Variants in CERKL observed in about 807,000 individuals in gnomAD.
The protein encoded by CERKL is CERK like autophagy regulator.
A neutral mutation model predicts 63.4 loss-of-function variants in CERKL; 61 were observed. The ratio of observed to expected loss-of-function variants is 0.96; its 90% CI spans 0.78 to 1.19. The LOEUF (loss-of-function observed/expected upper bound fraction) is 1.19. Ranked by LOEUF, CERKL falls within the 50% of genes most tolerant of loss-of-function variation. The pLI, the probability that CERKL is intolerant of heterozygous loss-of-function variation, is 0.00. For synonymous variants in CERKL, 250 were observed against 230.5 expected (o/e 1.08, Z -0.77); for missense variants, 675 against 655.5 (o/e 1.03, Z -0.33).
Position 181,548,847 on chromosome 2 carries a change from C to A in CERKL, c.906G>T (p.Gln302His), listed in dbSNP as rs777974407. Residue 302 changes from glutamine to histidine, a missense_variant, in exon 7 of 13, where the codon CAG becomes CAT. Transcript: ENST00000410087. ...ATLHIIMGHV[Q>H]LVDVCTFSTA... is the part of the protein sequence containing the mutation. The stretch of plus-strand genomic sequence containing the variant: ...TGCTGAAGGTGCAGACGTCGACCAG[C>A]TGTACATGCCCTTGAATATTACATT... The A allele has an allele frequency of 4.3e-6, 7 of 1,613,676 alleles. No homozygotes were observed. In the East Asian group the frequency reaches 6.7e-5, roughly 15 times the overall value.
chr2:181,537,702 G>GTTGCAAAGTTTT lies in CERKL; in HGVS notation c.*470_*481dup. On this transcript the variant is annotated 3_prime_UTR_variant, in exon 13 of 13. Coordinates refer to ENST00000410087, the MANE Select transcript of CERKL (RefSeq NM_201548.5). Reference sequence around the variant, plus strand: ...GGTTAAATATTGATGTATTATGATGGTTGCAAAGTTTTTTTGTGTGTCCAA... The same window carrying GTTGCAAAGTTTT: ...GGTTAAATATTGATGTATTATGATGGTTGCAAAGTTTTTTGCAAAGTTTTTTTGTGTGTCCAA... 1 of 425,146 alleles carries GTTGCAAAGTTTT rather than the reference G, an allele frequency of 2.4e-6. No homozygotes were observed. Among genetic ancestry groups the GTTGCAAAGTTTT allele is most frequent in the Non-Finnish European group, 4.7e-6 (1 of 214,660 alleles). The allele number at this position is 425,146 out of a possible 1,614,324, so 26.3% of individuals were successfully genotyped here. A position where few individuals can be genotyped will look rare whatever the true frequency, so the allele number is the denominator to read the frequency against.
chr2:181,551,724 G>A (rs186866083), intron 5 of CERKL, among the ~76,000 whole-genome samples: 2 of 152,098 alleles, frequency 1.3e-5, no homozygotes, highest in East Asian at 3.9e-4. Context: ...TGGGGGGTGG[G>A]ACCCAAGTCT....
At position 181,537,289 on chromosome 2, in the gene CERKL, T is replaced by C. The variant is rs1034013124; in HGVS notation, c.*895A>G. Reference sequence around the variant, plus strand: ...ACTCAGAACTACTCAGAAACAACTATATATTTCAGGTTATCTGAGCACAGT... The same window carrying C: ...ACTCAGAACTACTCAGAAACAACTACATATTTCAGGTTATCTGAGCACAGT... On this transcript the variant is annotated 3_prime_UTR_variant, in exon 13 of 13. Coordinates refer to ENST00000410087, the MANE Select transcript of CERKL (RefSeq NM_201548.5). The C allele has an allele frequency of 4.4e-6, 2 of 453,896 alleles. No homozygotes were observed. Among genetic ancestry groups the C allele is most frequent in the Admixed American group, 4.7e-5 (2 of 42,524 alleles). 28.1% of individuals were successfully genotyped at this position (453,896 alleles called of 1,614,324 possible).
At chr2:181,569,277 A>G (rs1288348087) in intron 3 of CERKL, among the ~76,000 whole-genome samples, 1 of 152,178 alleles carries the variant, frequency 6.6e-6, no homozygotes, top group East Asian at 1.9e-4. Flanking sequence ...GCTAGATATG[A>G]TGCATGAACA....
At chr2:181,627,096 T>C (rs115067967) in intron 1 of CERKL, among the ~76,000 whole-genome samples, 1 of 152,302 alleles carries the variant, frequency 6.6e-6, no homozygotes, top group Non-Finnish European at 1.5e-5. Flanking sequence ...AGCTGCAAAA[T>C]TTGAGTGTCT....
chr2:181,557,002 G>A (rs965584007), intron 5 of CERKL, among the ~76,000 whole-genome samples: 43 of 152,304 alleles, frequency 2.8e-4, no homozygotes, highest in African/African-American at 1.0e-3. Flanking sequence ...CAGTGATGAT[G>A]AGCATTTTTT....
intron 5 of CERKL, among the ~76,000 whole-genome samples, chr2:181,551,977 C>T (rs1020895312): frequency 2.6e-5 from 4 of 152,114 alleles, no homozygotes; most frequent in African/African-American, 4.8e-5. Flanking sequence ...CAATGGAATA[C>T]TATTTGGCAT....
chr2:181,556,735 T>G (rs1027085200), intron 5 of CERKL, among the ~76,000 whole-genome samples: 76 of 152,352 alleles, frequency 5.0e-4, no homozygotes, highest in African/African-American at 1.8e-3. Flanking sequence ...GCAGTATGAT[T>G]TATATTCCTT....
intron 2 of CERKL, among the ~76,000 whole-genome samples, chr2:181,596,782 G>C (rs965505636): frequency 1.3e-5 from 2 of 152,060 alleles, no homozygotes; most frequent in African/African-American, 4.8e-5. Context: ...ACTTGGTCCT[G>C]GCAACACATT....
intron 1 of CERKL, among the ~76,000 whole-genome samples, chr2:181,612,563 C>G (rs112845790): frequency 0.031 from 4,649 of 152,074 alleles, 225 homozygotes; most frequent in African/African-American, 0.11. Flanking sequence ...GATTTATCCA[C>G]AGTGTTCTCA....
chr2:181,650,386 T>A (rs1687876955), intron 1 of CERKL, among the ~76,000 whole-genome samples: 1 of 152,146 alleles, frequency 6.6e-6, no homozygotes, highest in Non-Finnish European at 1.5e-5. Flanking sequence ...GTTTATAGTA[T>A]TAAATGCCCA....
intron 1 of CERKL, among the ~76,000 whole-genome samples, chr2:181,608,431 G>A (rs976601138): frequency 7.7e-6 from 1 of 129,922 alleles, no homozygotes; most frequent in Non-Finnish European, 1.6e-5. Context: ...GGGATGGAGC[G>A]GGGTGGGGGG....
At chr2:181,636,235 G>A (rs552327048) in intron 1 of CERKL, among the ~76,000 whole-genome samples, 6 of 152,254 alleles carry the variant, frequency 3.9e-5, no homozygotes, top group African/African-American at 1.4e-4. Flanking sequence ...TTTGCGCAGC[G>A]TCTACTATCT....
Position 181,558,059 on chromosome 2 carries a change from C to T in CERKL, c.820+507G>A, listed in dbSNP as rs1016468768. ...ATTAAAAAGCCTTGCCCTTAAGAAT[C>T]TCACCCTTCCAAACCTTATCCTCCC... On this transcript the variant is annotated intron_variant, in intron 5 of 12. Coordinates refer to ENST00000410087, the MANE Select transcript of CERKL (RefSeq NM_201548.5). This position sits in a 1 kb window ranked among gnomAD's most constrained non-coding sequence, Gnocchi z 4.2. Among the ~76,000 whole-genome samples, 5 of 152,160 alleles carry T rather than the reference C, an allele frequency of 3.3e-5. No homozygotes were observed. The highest frequency in any genetic ancestry group is 5.9e-5 in the Non-Finnish European group (4 of 68,028).
intron 3 of CERKL, among the ~76,000 whole-genome samples, chr2:181,570,428 A>G (rs1688854929): frequency 6.6e-6 from 1 of 152,196 alleles, no homozygotes; most frequent in South Asian, 2.1e-4. Flanking sequence ...TCACACCTTT[A>G]ATGGTACAAT....
chr2:181,647,036 G>T (rs1208349551), intron 1 of CERKL, among the ~76,000 whole-genome samples: 2 of 152,212 alleles, frequency 1.3e-5, no homozygotes, highest in Non-Finnish European at 2.9e-5. Context: ...ACATATCTCT[G>T]CTTAAGTGAA....
In CERKL at chr2:181,603,836, C is replaced by G; in HGVS notation, c.481+1G>C. 6.2e-7 allele frequency: 1 copy of G among 1,613,086 alleles called. No homozygotes were observed. The highest frequency in any genetic ancestry group is 8.5e-7 in the Non-Finnish European group (1 of 1,179,402). On this transcript the variant is annotated splice_donor_variant, in intron 2 of 12. Coordinates refer to ENST00000410087, the MANE Select transcript of CERKL (RefSeq NM_201548.5). LOFTEE classifies it high-confidence loss of function. ...TAAAATTTCCCATGAGGAGTACTTA[C>G]CTGCCAATATTTTCTTGAACTGTCT... is the stretch of plus-strand genomic sequence containing the variant.
At chr2:181,568,007 T>C (rs1245363978) in intron 3 of CERKL, among the ~76,000 whole-genome samples, 1 of 152,198 alleles carries the variant, frequency 6.6e-6, no homozygotes, top group East Asian at 1.9e-4. Flanking sequence ...CAACCTGTGC[T>C]CTTTCTAAAT....
At chr2:181,656,560 TG>T (rs1688164465) in intron 1 of CERKL, among the ~76,000 whole-genome samples, 1 of 151,532 alleles carries the variant, frequency 6.6e-6, no homozygotes, top group Non-Finnish European at 1.5e-5. Flanking sequence ...CTGGGGGTTC[TG>T]GGATGGGGCG....
Sources: gnomAD v4.1 joint callset for allele counts (sites outside exome capture counted in the v4.1 genomes callset) on GRCh38, gnomAD v4.1.1 for gene constraint, Gnocchi (gnomAD v3.1) non-coding constraint, MANE v1.5 for transcripts, NCBI Gene and HGNC (gene_info 2026-07-23, HGNC 2026-07-21) for gene names.